Variants in JADE2 observed in about 807,000 individuals in gnomAD.
The protein encoded by JADE2 is jade family PHD finger 2, also known as E3 ubiquitin-protein ligase Jade-2.
Under a neutral mutation model 85.7 loss-of-function variants are expected in JADE2, and 13 were observed. The observed-to-expected ratio is 0.15, with a 90% CI of 0.10 to 0.24. JADE2 has a LOEUF of 0.24. Ranked by LOEUF, JADE2 falls within the 10% of genes least tolerant of loss-of-function variation. The pLI, the probability that JADE2 is intolerant of heterozygous loss-of-function variation, is 1.00. For missense variants in JADE2, 846 were observed against 1,115.9 expected, an observed-to-expected ratio of 0.76 and a Z score of 3.45; for synonymous variants, 440 against 456.1, an observed-to-expected ratio of 0.96 and a Z score of 0.45.
In JADE2 at chr5:134,578,979, G is replaced by T; in HGVS notation, c.2167G>T (p.Glu723Ter). The T allele has an allele frequency of 1.2e-6, 2 of 1,613,716 alleles. No homozygotes were observed. The highest frequency in any genetic ancestry group is 1.7e-6 in the Non-Finnish European group (2 of 1,179,986). ...TPESPPPLAP[E>*]TPDEAASVAA... ...TGAAAGCCCCCCGCCACTGGCCCCT[G>T]AGACCCCGGACGAGGCAGCCTCAGT... Residue 723 changes from glutamate to a stop codon, truncating the protein, a stop_gained, in exon 12 of 12, where the codon GAG becomes TAG. Transcript: ENST00000681547. LOFTEE classifies it high-confidence loss of function. This position sits in a 1 kb window ranked among gnomAD's most constrained non-coding sequence, Gnocchi z 4.4.
intron 4 of JADE2, among the ~76,000 whole-genome samples, chr5:134,552,526 C>A (rs1762651169): frequency 6.6e-6 from 1 of 152,120 alleles, no homozygotes; most frequent in Non-Finnish European, 1.5e-5. Context: ...AATTGGAATG[C>A]TAACAATAAC....
At chr5:134,525,329 C>T (rs1381684716), upstream of JADE2, among the ~76,000 whole-genome samples, 1 of 151,996 alleles carries the variant, frequency 6.6e-6, no homozygotes, top group Non-Finnish European at 1.5e-5. Flanking sequence ...GCAGCCGCCG[C>T]TCGGGCCCGG....
intron 3 of JADE2, among the ~76,000 whole-genome samples, chr5:134,546,417 T>C (rs960134516): frequency 3.3e-5 from 5 of 152,174 alleles, no homozygotes; most frequent in African/African-American, 9.7e-5. Context: ...ACAGGACATA[T>C]GCAGTCCCTG....
Position 134,578,397 on chromosome 5 carries a change from G to T in JADE2, c.1682-97G>T. On this transcript the variant is annotated intron_variant, in intron 11 of 11. Transcript: ENST00000681547. This position sits in a 1 kb window ranked among gnomAD's most constrained non-coding sequence, Gnocchi z 4.4. ...GTCTGGCACAGGGGGACAGAGAGAAGACGATGCCTGGTGGTGTGCTGGGAG... is the reference window on the plus strand; with the variant it reads ...GTCTGGCACAGGGGGACAGAGAGAATACGATGCCTGGTGGTGTGCTGGGAG... The T allele has an allele frequency of 3.3e-6, 3 of 910,698 alleles. No homozygotes were observed. The highest frequency in any genetic ancestry group is 5.1e-6 in the Non-Finnish European group (3 of 584,190). The allele number at this position is 910,698 out of a possible 1,614,324, so 56.4% of individuals were successfully genotyped here. A position where few individuals can be genotyped will look rare whatever the true frequency, so the allele number is the denominator to read the frequency against.
At chr5:134,533,448 TG>T in intron 1 of JADE2, 1 of 739,996 alleles carries the variant, frequency 1.4e-6, no homozygotes, top group Non-Finnish European at 1.7e-6. Context: ...CCAAGGTCCC[TG>T]GTCTATGAGG....
At chr5:134,553,482 T>G (rs937213665) in intron 4 of JADE2, among the ~76,000 whole-genome samples, 4 of 152,048 alleles carry the variant, frequency 2.6e-5, no homozygotes, top group African/African-American at 9.7e-5. Flanking sequence ...GCCTCCCGAA[T>G]AGCTGGGATG....
intron 10 of JADE2, among the ~76,000 whole-genome samples, chr5:134,576,370 C>G (rs1764365821): frequency 6.6e-6 from 1 of 152,142 alleles, no homozygotes; most frequent in Non-Finnish European, 1.5e-5. Context: ...AGGAATGGAA[C>G]CCAAGCCTCT....
Position 134,579,363 on chromosome 5 carries a change from G to T in JADE2, c.*46G>T. The T allele has an allele frequency of 1.4e-6, 2 of 1,440,822 alleles. No homozygotes were observed. Among genetic ancestry groups the T allele is most frequent in the Non-Finnish European group, 9.3e-7 (1 of 1,075,376 alleles). 89.3% of individuals were successfully genotyped at this position (1,440,822 alleles called of 1,614,324 possible). ...AGGCCCTGCCCTGGTCCCCCCACAA[G>T]GCCTCAGCCCAGTCACAACTGCCAT... is the stretch of plus-strand genomic sequence containing the variant. On this transcript the variant is annotated 3_prime_UTR_variant, in exon 12 of 12. Coordinates refer to ENST00000681547, the MANE Select transcript of JADE2 (RefSeq NM_001388185.1). The surrounding 1 kb of genome is among the most constrained non-coding windows in gnomAD (Gnocchi z 4.6).
intron 3 of JADE2, among the ~76,000 whole-genome samples, chr5:134,538,652 A>G (rs1396603529): frequency 6.6e-6 from 1 of 152,096 alleles, no homozygotes; most frequent in Non-Finnish European, 1.5e-5. Context: ...TGAGAAGCGC[A>G]CTGGGGGTGG....
chr5:134,525,614 C>CCCAA, upstream of JADE2: 1 of 624,340 alleles, frequency 1.6e-6, no homozygotes, highest in Non-Finnish European at 2.3e-6. Flanking sequence ...ACCCCCACCC[C>CCCAA]AACACATTTT....
chr5:134,577,833 C>A (rs1764475432), intron 11 of JADE2, among the ~76,000 whole-genome samples: 1 of 152,200 alleles, frequency 6.6e-6, no homozygotes, highest in African/African-American at 2.4e-5. Flanking sequence ...GCTGGCGTCT[C>A]ACTTGCCTCC....
intron 4 of JADE2, among the ~76,000 whole-genome samples, chr5:134,555,953 T>C (rs973108840): frequency 6.6e-6 from 1 of 152,128 alleles, no homozygotes; most frequent in African/African-American, 2.4e-5. Flanking sequence ...CTCGACCTTA[T>C]ATAGGCCTTC....
At chr5:134,565,558 C>T (rs1015769348) in intron 8 of JADE2, among the ~76,000 whole-genome samples, 1 of 152,130 alleles carries the variant, frequency 6.6e-6, no homozygotes, top group South Asian at 2.1e-4. Flanking sequence ...AAAAATGCAG[C>T]TTGAGGCCAG....
chr5:134,579,564 A>C lies in JADE2; in HGVS notation c.*247A>C. On this transcript the variant is annotated 3_prime_UTR_variant, in exon 12 of 12. Coordinates refer to ENST00000681547, the MANE Select transcript of JADE2 (RefSeq NM_001388185.1). The surrounding 1 kb of genome is among the most constrained non-coding windows in gnomAD (Gnocchi z 4.6). ...AGGACCCTGCCAGGTCCCGCGCACC[A>C]TCCCTGCCCTGCCCACGTGGTATTG... 1 of 494,166 alleles carries C rather than the reference A, an allele frequency of 2.0e-6. No individual in the cohort carries two copies. Among genetic ancestry groups the C allele is most frequent in the Non-Finnish European group, 3.6e-6 (1 of 277,842 alleles). 30.6% of individuals were successfully genotyped at this position (494,166 alleles called of 1,614,324 possible).
chr5:134,576,734 C>T, intron 10 of JADE2, 34 bp from the exon 11 acceptor site: 2 of 1,550,212 alleles, frequency 1.3e-6, no homozygotes, highest in Non-Finnish European at 1.7e-6. Flanking sequence ...TCAGGGTAAC[C>T]ATCTCCCTCC....
At position 134,578,439 on chromosome 5, in the gene JADE2, G is replaced by A; in HGVS notation, c.1682-55G>A. ...TGCTGGGAGCGTCAGTGGGCTTCCTGAAAGGGTGGGACACACGTCTGCTGG... is the reference window on the plus strand; with the variant it reads ...TGCTGGGAGCGTCAGTGGGCTTCCTAAAAGGGTGGGACACACGTCTGCTGG... On this transcript the variant is annotated intron_variant, in intron 11 of 11. Transcript: ENST00000681547. The surrounding 1 kb of genome is among the most constrained non-coding windows in gnomAD (Gnocchi z 4.4). 7.2e-7 allele frequency: 1 copy of A among 1,382,798 alleles called. No homozygotes were observed. The highest frequency in any genetic ancestry group is 9.9e-7 in the Non-Finnish European group (1 of 1,005,718). The allele number at this position is 1,382,798 out of a possible 1,614,324, so 85.7% of individuals were successfully genotyped here. A position where few individuals can be genotyped will look rare whatever the true frequency, so the allele number is the denominator to read the frequency against.
At chr5:134,568,279 A>G (rs1458708259) in intron 9 of JADE2, among the ~76,000 whole-genome samples, 3 of 152,244 alleles carry the variant, frequency 2.0e-5, no homozygotes, top group Non-Finnish European at 4.4e-5. Context: ...AGGAAGTCTT[A>G]GAGGAACTCC....
chr5:134,550,886 T>A (rs935144465), intron 3 of JADE2, among the ~76,000 whole-genome samples: 1 of 152,216 alleles, frequency 6.6e-6, no homozygotes, highest in African/African-American at 2.4e-5. Flanking sequence ...GGGGTTTGGA[T>A]GTGCTTGATT....
Position 134,578,685 on chromosome 5 carries a change from C to A in JADE2, c.1873C>A (p.Arg625=). Residue 625 remains arginine, a synonymous_variant, in exon 12 of 12, where the codon CGG becomes AGG. Transcript: ENST00000681547. The surrounding 1 kb of genome is among the most constrained non-coding windows in gnomAD (Gnocchi z 4.4). ...QDEETLLSFM[R]DPSLRPGDPA... ...CGAGGAGACACTGCTCAGCTTCATG[C>A]GGGACCCCTCGCTGCGACCTGGTGA... 6.2e-7 allele frequency: 1 copy of A among 1,613,864 alleles called. No homozygotes were observed. The highest frequency in any genetic ancestry group is 8.5e-7 in the Non-Finnish European group (1 of 1,179,992).
Sources: allele counts gnomAD v4.1 joint callset (sites outside exome capture counted in the v4.1 genomes callset), GRCh38; gene constraint gnomAD v4.1.1; non-coding constraint Gnocchi (gnomAD v3.1); transcripts MANE v1.5; gene names NCBI Gene and HGNC (gene_info 2026-07-23, HGNC 2026-07-21).